The following NRXN3 variants were observed in gnomAD, a reference collection of about 807,000 sequenced individuals.
The protein encoded by NRXN3 is neurexin 3, also known as neurexin III.
A neutral mutation model predicts 137.6 loss-of-function variants in NRXN3; 32 were observed. The observed-to-expected ratio is 0.23, with a 90% CI of 0.18 to 0.31. NRXN3 has a LOEUF of 0.31. Ranked by LOEUF, NRXN3 falls within the 10% of genes least tolerant of loss-of-function variation. NRXN3 has a pLI of 1.00. For missense variants in NRXN3, 1,574 were observed against 2,062.5 expected (o/e 0.76, Z 4.59); for synonymous variants, 798 against 784.5 (o/e 1.02, Z -0.29).
chr14:78,797,775 G>A (rs1180533789), intron 8 of NRXN3, among the ~76,000 whole-genome samples: 1 of 152,162 alleles, frequency 6.6e-6, no homozygotes, highest in Non-Finnish European at 1.5e-5. Flanking sequence ...TGACTGGGAT[G>A]CCTCACAATC....
At chr14:78,664,049 A>C (rs571145413) in intron 6 of NRXN3, among the ~76,000 whole-genome samples, 1 of 152,178 alleles carries the variant, frequency 6.6e-6, no homozygotes, top group African/African-American at 2.4e-5. Flanking sequence ...AGATTTCAAG[A>C]GAGATACAAG....
chr14:78,590,403 A>G (rs1000719581), intron 4 of NRXN3, among the ~76,000 whole-genome samples: 1 of 152,198 alleles, frequency 6.6e-6, no homozygotes. Flanking sequence ...TCTTCTGTAA[A>G]TGACTGGATA....
chr14:79,382,747 T>C (rs2094505207), intron 15 of NRXN3, among the ~76,000 whole-genome samples: 3 of 152,124 alleles, frequency 2.0e-5, no homozygotes, highest in Admixed American at 2.0e-4. Flanking sequence ...ATTTACTCTA[T>C]TGAATATTTT....
intron 10 of NRXN3, among the ~76,000 whole-genome samples, chr14:78,894,477 G>A (rs1400553964): frequency 1.3e-5 from 2 of 151,772 alleles, no homozygotes; most frequent in Non-Finnish European, 2.9e-5. Flanking sequence ...TCTAGTTCTA[G>A]TTCTCTTGCT....
chr14:79,008,724 T>A (rs548647687), intron 15 of NRXN3, among the ~76,000 whole-genome samples: 51 of 150,986 alleles, frequency 3.4e-4, no homozygotes, highest in African/African-American at 1.2e-3. Context: ...AGTGATGTAA[T>A]CTCAGCTTCC....
rs1198732158 is a variant in NRXN3, at chr14:78,926,935, TA to T, written c.2276-30306del. ...ATATATATATAATATATAATATATT[TA>T]TATATATATATAATATATATAATAT... On this transcript the variant is annotated intron_variant, in intron 10 of 20. Transcript: ENST00000335750. 2.4e-3 allele frequency among the ~76,000 whole-genome samples: 76 copies of T among 31,148 alleles called. 13 individuals are homozygous for T. The highest frequency in any genetic ancestry group is 0.024 in the African/African-American group (54 of 2,282). 20.4% of individuals were successfully genotyped at this position (31,148 alleles called of 152,430 possible).
intron 15 of NRXN3, among the ~76,000 whole-genome samples, chr14:79,190,611 C>T (rs985120196): frequency 1.3e-5 from 2 of 152,006 alleles, no homozygotes; most frequent in Admixed American, 6.6e-5. Flanking sequence ...TGGTTTCTCT[C>T]GATATTCCGA....
chr14:79,625,548 G>A (rs2098272881), intron 16 of NRXN3, among the ~76,000 whole-genome samples: 1 of 152,154 alleles, frequency 6.6e-6, no homozygotes, highest in African/African-American at 2.4e-5. Flanking sequence ...TATAATGGCT[G>A]CACCTATTTA....
At chr14:78,435,622 G>A (rs2153691603) in intron 4 of NRXN3, among the ~76,000 whole-genome samples, 1 of 152,240 alleles carries the variant, frequency 6.6e-6, no homozygotes, top group South Asian at 2.1e-4. Context: ...TCCCCTCCCA[G>A]TCCCAAACTT....
At chr14:79,525,242 C>G (rs980859564) in intron 16 of NRXN3, among the ~76,000 whole-genome samples, 1 of 152,050 alleles carries the variant, frequency 6.6e-6, no homozygotes, top group African/African-American at 2.4e-5. Flanking sequence ...TTACTGAGCC[C>G]CAACACCACC....
intron 4 of NRXN3, among the ~76,000 whole-genome samples, chr14:78,471,324 ACACACACACC>A (rs771081870): frequency 0.067 from 6,105 of 91,300 alleles, 178 homozygotes; most frequent in African/African-American, 0.14. Context: ...ACACACACAC[ACACACACACC>A]CCCAAGAAAT....
chr14:78,565,212 C>G (rs2096826151), intron 4 of NRXN3, among the ~76,000 whole-genome samples: 1 of 152,176 alleles, frequency 6.6e-6, no homozygotes, highest in African/African-American at 2.4e-5. Flanking sequence ...TCCTAAGAAG[C>G]CTGCCTTTTG....
At chr14:78,892,619 TG>T (rs1195953852) in intron 10 of NRXN3, among the ~76,000 whole-genome samples, 1 of 151,576 alleles carries the variant, frequency 6.6e-6, no homozygotes, top group Non-Finnish European at 1.5e-5. Context: ...CAGAACTTGA[TG>T]GTTGTAAATC....
At chr14:79,238,955 A>T (rs1267036356) in intron 15 of NRXN3, among the ~76,000 whole-genome samples, 1 of 152,116 alleles carries the variant, frequency 6.6e-6, no homozygotes, top group African/African-American at 2.4e-5. Context: ...TCCAGGCCCT[A>T]TTGGATGCCA....
At chr14:78,568,961 GTTTTTTTTTTTTTTT>G (rs34485878) in intron 4 of NRXN3, among the ~76,000 whole-genome samples, 1 of 103,740 alleles carries the variant, frequency 9.6e-6, no homozygotes, top group Non-Finnish European at 1.8e-5. Context: ...GACTTTGCAG[GTTTTTTTTTTTTTTT>G]TTTTTTTTTG....
chr14:78,690,942 A>T (rs1450967727), intron 6 of NRXN3, among the ~76,000 whole-genome samples: 1 of 152,168 alleles, frequency 6.6e-6, no homozygotes, highest in African/African-American at 2.4e-5. Flanking sequence ...TTACCAAGAC[A>T]CCGCAGTGAA....
At chr14:79,686,238 A>G (rs1283147647) in intron 17 of NRXN3, among the ~76,000 whole-genome samples, 1 of 151,992 alleles carries the variant, frequency 6.6e-6, no homozygotes, top group Non-Finnish European at 1.5e-5. Flanking sequence ...CCTGTCTCAG[A>G]GAAGAAAAAA....
intron 4 of NRXN3, among the ~76,000 whole-genome samples, chr14:78,314,001 G>A (rs2078270484): frequency 6.6e-6 from 1 of 152,110 alleles, no homozygotes; most frequent in South Asian, 2.1e-4. Flanking sequence ...CTTTGTTCTT[G>A]AGCAGCTCAC....
intron 6 of NRXN3, among the ~76,000 whole-genome samples, chr14:78,699,508 G>A (rs1254752669): frequency 6.6e-6 from 1 of 152,192 alleles, no homozygotes; most frequent in Non-Finnish European, 1.5e-5. Context: ...ATAGTGAGAC[G>A]ATTAGAGTCA....
Sources: gnomAD v4.1 joint callset for allele counts (sites outside exome capture counted in the v4.1 genomes callset) on GRCh38, gnomAD v4.1.1 for gene constraint, MANE v1.5 for transcripts, NCBI Gene and HGNC (gene_info 2026-07-23, HGNC 2026-07-21) for gene names.